The following ITPRID1 variants were observed in gnomAD, a reference collection of about 807,000 sequenced individuals.
ITPRID1 encodes protein ITPRID1.
In ITPRID1, 96 loss-of-function variants were observed where a neutral mutation model predicts 95.4. That is an observed-to-expected ratio of 1.01 (90% CI 0.85 to 1.19). ITPRID1 has a LOEUF of 1.19. Ranked by LOEUF, ITPRID1 falls within the 50% of genes most tolerant of loss-of-function variation. ITPRID1 has a pLI of 0.00. For missense variants in ITPRID1, 1,339 were observed against 1,252.9 expected, an observed-to-expected ratio of 1.07 and a Z score of -1.04; for synonymous variants, 510 against 453.6, an observed-to-expected ratio of 1.12 and a Z score of -1.58.
intron 1 of ITPRID1, among the ~76,000 whole-genome samples, chr7:31,516,268 G>GTGTGTGCATGTGTATGTATGTA (rs1783037651): frequency 1.3e-5 from 2 of 152,128 alleles, no homozygotes; most frequent in Non-Finnish European, 2.9e-5. Context: ...GTTTCTGCGT[G>GTGTGTGCATGTGTATGTATGTA]TGTGTGCATG....
At chr7:31,564,648 G>A (rs958506809) in intron 5 of ITPRID1, among the ~76,000 whole-genome samples, 1 of 152,174 alleles carries the variant, frequency 6.6e-6, no homozygotes, top group African/African-American at 2.4e-5. Flanking sequence ...GGAAAATCCA[G>A]GTAGCAGGAG....
In ITPRID1 at chr7:31,519,606, CTCTCTCTCTCTCTCTATA is replaced by C. The variant is rs1340136687; in HGVS notation, c.-98+5488_-98+5505del. On this transcript the variant is annotated intron_variant, in intron 1 of 14. Transcript: ENST00000615280. ...TCTCTCTCTCTCTCTCTCTCTCTCT[CTCTCTCTCTCTCTCTATA>C]TATATATATATATATATATATAAAT... Among the ~76,000 whole-genome samples the C allele has an allele frequency of 8.8e-4, 50 of 56,836 alleles. 1 individual carries two copies. Among genetic ancestry groups the C allele is most frequent in the African/African-American group, 2.6e-3 (42 of 16,092 alleles). The allele number at this position is 56,836 out of a possible 152,430, so 37.3% of individuals were successfully genotyped here.
chr7:31,640,420 G>A (rs38392), intron 10 of ITPRID1, among the ~76,000 whole-genome samples: 24,265 of 152,156 alleles, frequency 0.16, 2,373 homozygotes, highest in Non-Finnish European at 0.2. Context: ...CCTCTCCTCT[G>A]TGTGCCCTTT....
chr7:31,572,511 A>G (rs2128143850), intron 7 of ITPRID1, among the ~76,000 whole-genome samples: 1 of 152,322 alleles, frequency 6.6e-6, no homozygotes, highest in Non-Finnish European at 1.5e-5. Context: ...TAAGATTAAA[A>G]AAAGCAAGAT....
intron 10 of ITPRID1, among the ~76,000 whole-genome samples, chr7:31,600,863 G>A (rs1786364851): frequency 6.6e-6 from 1 of 152,112 alleles, no homozygotes; most frequent in Admixed American, 6.5e-5. Flanking sequence ...GTTAACAGGT[G>A]TGGATCATCA....
intron 7 of ITPRID1, among the ~76,000 whole-genome samples, chr7:31,574,242 C>T (rs1785095968): frequency 1.3e-5 from 2 of 151,240 alleles, no homozygotes; most frequent in African/African-American, 2.4e-5. Context: ...CTGCCTCTGG[C>T]TGGTATCTGT....
rs200617855 is a variant in ITPRID1 at position 31,651,173 on chromosome 7, C to T, written c.2615C>T (p.Thr872Met). Residue 872 changes from threonine to methionine, a missense_variant, in exon 13 of 15, where the codon ACG (threonine) becomes ATG (methionine). By Grantham distance (81) the Thr-to-Met change is moderately conservative. Coordinates refer to ENST00000615280, the MANE Select transcript of ITPRID1 (RefSeq NM_001257967.3). ...CTVHEMEAMKTICQSFREYLE... is the reference protein window; with the variant it reads ...CTVHEMEAMKMICQSFREYLE... Reference sequence around the variant, plus strand: ...GTCCATGAGATGGAAGCCATGAAGACGATATGCCAAAGTTTCCGGGAGTAT... The same window carrying T: ...GTCCATGAGATGGAAGCCATGAAGATGATATGCCAAAGTTTCCGGGAGTAT... The T allele has an allele frequency of 3.9e-5, 63 of 1,613,410 alleles. No homozygotes were observed. In the East Asian group the frequency reaches 9.6e-4, roughly 25 times the overall value.
intron 10 of ITPRID1, among the ~76,000 whole-genome samples, chr7:31,630,437 A>C (rs1691029210): frequency 1.3e-5 from 2 of 152,158 alleles, no homozygotes; most frequent in South Asian, 4.1e-4. Flanking sequence ...TTATTAATAC[A>C]TCAGTAGGAT....
In ITPRID1 at chr7:31,519,620, C is replaced by CTCTATA; in HGVS notation, c.-98+5501_-98+5502insCTATAT. Among the ~76,000 whole-genome samples the CTCTATA allele has an allele frequency of 4.6e-3, 115 of 25,238 alleles. 3 individuals are homozygous for CTCTATA. The highest frequency in any genetic ancestry group is 6.0e-3 in the East Asian group (2 of 332). The allele number at this position is 25,238 out of a possible 152,430, so 16.6% of individuals were successfully genotyped here. The stretch of plus-strand genomic sequence containing the variant: ...TCTCTCTCTCTCTCTCTCTCTCTCT[C>CTCTATA]TATATATATATATATATATATATAT... On this transcript the variant is annotated intron_variant, in intron 1 of 14. Coordinates refer to ENST00000615280, the MANE Select transcript of ITPRID1 (RefSeq NM_001257967.3).
chr7:31,590,106 T>C (rs144581796), intron 10 of ITPRID1, among the ~76,000 whole-genome samples: 1 of 152,212 alleles, frequency 6.6e-6, no homozygotes, highest in African/African-American at 2.4e-5. Context: ...TCTCACTCTG[T>C]AGCCCAGGTT....
intron 8 of ITPRID1, among the ~76,000 whole-genome samples, chr7:31,575,977 C>T (rs1412973070): frequency 6.6e-6 from 1 of 151,882 alleles, no homozygotes; most frequent in Non-Finnish European, 1.5e-5. Context: ...TCCTTGTTAT[C>T]TCCTCTTGCA....
At chr7:31,564,342 A>T (rs530830141) in intron 5 of ITPRID1, among the ~76,000 whole-genome samples, 19 of 151,938 alleles carry the variant, frequency 1.3e-4, no homozygotes, top group African/African-American at 4.1e-4. Flanking sequence ...AGTGGGAAAA[A>T]TTTTTTTCTC....
At chr7:31,597,319 C>A (rs1361216241) in intron 10 of ITPRID1, among the ~76,000 whole-genome samples, 3 of 151,808 alleles carry the variant, frequency 2.0e-5, no homozygotes, top group Middle Eastern at 6.8e-3. Flanking sequence ...ATTTATAAAC[C>A]AGATAAATGT....
rs865915272 is a variant in ITPRID1 at position 31,552,846 on chromosome 7, G to T, written c.-23-156G>T. Among the ~76,000 whole-genome samples the T allele has an allele frequency of 5.3e-5, 8 of 152,286 alleles. No individual in the cohort carries two copies. In the South Asian group the frequency reaches 1.5e-3, roughly 28 times the overall value. On this transcript the variant is annotated intron_variant, in intron 2 of 14. Coordinates refer to ENST00000615280, the MANE Select transcript of ITPRID1 (RefSeq NM_001257967.3). ...GCATTTCACCAAACTGAGACAGGGAGCTTGGCTCAGGTGGGTGAGCCAGGT... is the reference window on the plus strand; with the variant it reads ...GCATTTCACCAAACTGAGACAGGGATCTTGGCTCAGGTGGGTGAGCCAGGT...
intron 10 of ITPRID1, among the ~76,000 whole-genome samples, chr7:31,599,985 A>G (rs536996097): frequency 6.6e-6 from 1 of 152,138 alleles, no homozygotes; most frequent in African/African-American, 2.4e-5. Flanking sequence ...GGCGTGAGCC[A>G]CCGCACCCAG....
intron 1 of ITPRID1, among the ~76,000 whole-genome samples, chr7:31,518,517 C>G (rs571767168): frequency 6.6e-6 from 1 of 152,140 alleles, no homozygotes; most frequent in Non-Finnish European, 1.5e-5. Context: ...ATGGCAGAGT[C>G]AATGATGTTG....
intron 12 of ITPRID1, 132 bp from the exon 13 acceptor site, chr7:31,651,010 T>TC (rs1199489813): frequency 1.1e-6 from 1 of 921,992 alleles, no homozygotes. Flanking sequence ...TCCTATTCCC[T>TC]CCCCCTTATA....
At chr7:31,638,735 A>G in intron 10 of ITPRID1, among the ~76,000 whole-genome samples, 1 of 152,072 alleles carries the variant, frequency 6.6e-6, no homozygotes, top group East Asian at 1.9e-4. Flanking sequence ...GGGTTTTTAT[A>G]AAAAGTCATT....
intron 1 of ITPRID1, among the ~76,000 whole-genome samples, chr7:31,547,410 C>T (rs1784134221): frequency 6.6e-6 from 1 of 152,162 alleles, no homozygotes; most frequent in Non-Finnish European, 1.5e-5. Context: ...GGGAAGGAAA[C>T]ACGTCCTTCT....
Sources: allele counts gnomAD v4.1 joint callset (sites outside exome capture counted in the v4.1 genomes callset), GRCh38; gene constraint gnomAD v4.1.1; transcripts MANE v1.5; gene names NCBI Gene and HGNC (gene_info 2026-07-23, HGNC 2026-07-21).